Variants in TTC27 observed in about 807,000 individuals in gnomAD.
TTC27 encodes tetratricopeptide repeat domain 27.
In TTC27, 79 loss-of-function variants were observed where a neutral mutation model predicts 115.9. The observed-to-expected ratio is 0.68, with a 90% CI of 0.57 to 0.82. The LOEUF is 0.82. Ranked by LOEUF, TTC27 falls within the 40% of genes least tolerant of loss-of-function variation. The probability of loss-of-function intolerance (pLI) is 0.00; values close to 1 mark genes in which losing one functional copy is unlikely to be tolerated. For missense variants in TTC27, 1,054 were observed against 993.1 expected (o/e 1.06, Z -0.82); for synonymous variants, 401 against 356.0 (o/e 1.13, Z -1.42).
rs1398669735 is a variant in TTC27 at position 32,787,073 on chromosome 2, A to T, written c.1922A>T (p.Asp641Val). The change falls in exon 16 of 20, where the codon GAC becomes GTC. Residue 641 changes from aspartate to valine, a missense_variant. Transcript: ENST00000317907. ...GAAAACTACATCCTCACCAGCACTG[A>T]CGTTGGGGAATTTTCAGAAGCCATT... ...IWENYILTSTDVGEFSEAIKA... is the reference protein window; with the variant it reads ...IWENYILTSTVVGEFSEAIKA... 1.2e-6 allele frequency: 2 copies of T among 1,614,090 alleles called. No individual in the cohort carries two copies. Among genetic ancestry groups the T allele is most frequent in the Admixed American group, 3.3e-5 (2 of 60,016 alleles).
chr2:32,703,519 A>T (rs1463599774), intron 10 of TTC27, among the ~76,000 whole-genome samples: 1 of 152,210 alleles, frequency 6.6e-6, no homozygotes, highest in Non-Finnish European at 1.5e-5. Flanking sequence ...GCATTAAAAG[A>T]GACAATAGAA....
intron 11 of TTC27, among the ~76,000 whole-genome samples, chr2:32,735,639 A>C (rs7594374): frequency 0.36 from 53,675 of 147,960 alleles, 10,207 homozygotes; most frequent in Non-Finnish European, 0.43. Context: ...GTTTATTATA[A>C]AAAGAGAATT....
chr2:32,631,873 T>C (rs1559177889), intron 2 of TTC27, among the ~76,000 whole-genome samples: 1 of 151,608 alleles, frequency 6.6e-6, no homozygotes. Context: ...TGCAGAGGCG[T>C]GATCTCGGCT....
intron 12 of TTC27, among the ~76,000 whole-genome samples, chr2:32,752,987 C>T (rs1669068882): frequency 6.6e-6 from 1 of 152,108 alleles, no homozygotes; most frequent in Non-Finnish European, 1.5e-5. Context: ...CATTTGTTTC[C>T]CTCTCATGGT....
intron 12 of TTC27, among the ~76,000 whole-genome samples, chr2:32,737,818 C>A (rs770770012): frequency 5.7e-4 from 87 of 151,848 alleles, no homozygotes; most frequent in African/African-American, 1.3e-3. Flanking sequence ...GCCTGGGCAA[C>A]CAAGTAAGAC....
rs138244693 is a variant in TTC27 at position 32,684,399 on chromosome 2, C to G, written c.1119+5477C>G. Among the ~76,000 whole-genome samples, 630 of 150,812 alleles carry G rather than the reference C, an allele frequency of 4.2e-3. 3 individuals are homozygous for G. Among genetic ancestry groups the G allele is most frequent in the African/African-American group, 0.014 (592 of 41,040 alleles). On this transcript the variant is annotated intron_variant, in intron 9 of 19. Transcript: ENST00000317907. ...GCAATAAACATACGTGTGCATGTGT[C>G]TAAAACTTAAAGTATAATAATAATA...
rs144122434 is a variant in TTC27, at chr2:32,646,938, G to C, written c.538-3193G>C. Among the ~76,000 whole-genome samples the C allele has an allele frequency of 4.6e-4, 70 of 150,856 alleles. 1 individual carries two copies. The East Asian group carries it at 0.013, about 28-fold the overall frequency. On this transcript the variant is annotated intron_variant, in intron 4 of 19. Coordinates refer to ENST00000317907, the MANE Select transcript of TTC27 (RefSeq NM_017735.5). ...GAGTTAATTTATAGATCTGATTTTT[G>C]AGAGTTCAGCATATTATATGTTTTT...
chr2:32,708,028 T>G (rs6743661), intron 10 of TTC27, among the ~76,000 whole-genome samples: 28,011 of 151,802 alleles, frequency 0.18, 3,192 homozygotes, highest in South Asian at 0.4. Flanking sequence ...AACCCAGTGG[T>G]CAAAGCTAGA....
chr2:32,792,499 T>G (rs938805748), intron 16 of TTC27, among the ~76,000 whole-genome samples: 22 of 119,976 alleles, frequency 1.8e-4, no homozygotes, highest in Non-Finnish European at 3.2e-4. Flanking sequence ...TGTTTTTTGG[T>G]TTTTTTTTGA....
At chr2:32,818,375 A>G (rs1671576504) in intron 19 of TTC27, among the ~76,000 whole-genome samples, 1 of 152,258 alleles carries the variant, frequency 6.6e-6, no homozygotes, top group Non-Finnish European at 1.5e-5. Flanking sequence ...TAGGTCGTAT[A>G]TGGATGTGAG....
chr2:32,692,687 T>C (rs1666856041), intron 9 of TTC27, among the ~76,000 whole-genome samples: 1 of 152,088 alleles, frequency 6.6e-6, no homozygotes, highest in African/African-American at 2.4e-5. Flanking sequence ...ATACTAAAAA[T>C]CTGGTGGGGC....
chr2:32,674,773 C>T (rs561770844), intron 8 of TTC27, among the ~76,000 whole-genome samples: 11 of 151,976 alleles, frequency 7.2e-5, no homozygotes, highest in East Asian at 1.9e-4. Context: ...CATTCTTCTG[C>T]GTCAGCCTCC....
chr2:32,742,227 A>G (rs988688183), intron 12 of TTC27, among the ~76,000 whole-genome samples: 12 of 152,206 alleles, frequency 7.9e-5, no homozygotes, highest in Admixed American at 2.0e-4. Flanking sequence ...CATCATGGTT[A>G]TTGTTAATCC....
chr2:32,719,521 A>G (rs1330998251), intron 10 of TTC27, among the ~76,000 whole-genome samples: 2 of 152,200 alleles, frequency 1.3e-5, no homozygotes, highest in Non-Finnish European at 2.9e-5. Context: ...TGCCTTCTGC[A>G]TGTGGTCATA....
At chr2:32,637,480 C>T (rs960770774) in intron 3 of TTC27, among the ~76,000 whole-genome samples, 6 of 152,004 alleles carry the variant, frequency 3.9e-5, no homozygotes, top group East Asian at 1.9e-4. Flanking sequence ...TACAGGCGCC[C>T]GCCACCGTGC....
At chr2:32,666,595 C>T (rs1328944273) in intron 6 of TTC27, 40 bp from the exon 7 acceptor site, 1 of 1,606,714 alleles carries the variant, frequency 6.2e-7, no homozygotes. Flanking sequence ...CAGTAGATCT[C>T]ATGGGTAAGT....
At chr2:32,686,035 A>G (rs567384863) in intron 9 of TTC27, among the ~76,000 whole-genome samples, 5 of 152,366 alleles carry the variant, frequency 3.3e-5, no homozygotes, top group African/African-American at 1.2e-4. Flanking sequence ...TAAAAAAGTC[A>G]ATTATATTTG....
In TTC27 at chr2:32,664,299, G is replaced by A. The variant is rs1278265235; in HGVS notation, c.641-4G>A. 1 of 1,587,334 alleles carries A rather than the reference G, an allele frequency of 6.3e-7. No individual in the cohort carries two copies. The highest frequency in any genetic ancestry group is 1.4e-5 in the African/African-American group (1 of 73,580). On this transcript the variant is annotated splice_polypyrimidine_tract_variant and splice_region_variant and intron_variant, in intron 5 of 19. Transcript: ENST00000317907. ...CTTTTAATGTTTTATCTTTTGTCTT[G>A]CAGTGATGAAACTACAGAATCTGTT...
Position 32,808,227 on chromosome 2 carries a change from G to A in TTC27, c.1999-2797G>A, listed in dbSNP as rs72862743. 7.2e-3 allele frequency among the ~76,000 whole-genome samples: 1,098 copies of A among 152,176 alleles called. 12 individuals carry two copies. Among genetic ancestry groups the A allele is most frequent in the African/African-American group, 0.025 (1,048 of 41,538 alleles). On this transcript the variant is annotated intron_variant, in intron 16 of 19. Transcript: ENST00000317907. ...TGGGATTACAGGCGTGAGCCACTAC[G>A]CCCAACCTACTTGCCCTCTTCTTAA... is the stretch of plus-strand genomic sequence containing the variant.
Sources: allele counts gnomAD v4.1 joint callset (sites outside exome capture counted in the v4.1 genomes callset), GRCh38; gene constraint gnomAD v4.1.1; transcripts MANE v1.5; gene names NCBI Gene and HGNC (gene_info 2026-07-23, HGNC 2026-07-21).